The following HSF5 variants were observed in gnomAD, a reference collection of about 807,000 sequenced individuals.
HSF5 encodes the protein heat shock transcription factor 5.
Under a neutral mutation model 50.8 loss-of-function variants are expected in HSF5, and 5 were observed. That is an observed-to-expected ratio of 0.10 (90% CI 0.05 to 0.21). HSF5 has a LOEUF of 0.21. Ranked by LOEUF, HSF5 falls within the 10% of genes least tolerant of loss-of-function variation. The pLI is 1.00. For synonymous variants in HSF5, 307 were observed against 307.4 expected (o/e 1.00, Z 0.02); for missense variants, 564 against 762.6 (o/e 0.74, Z 3.07).
chr17:58,421,595 T>C lies in HSF5; in HGVS notation c.*765A>G, dbSNP rs888567531. ...TATAAATACAATTATATTAAACAAG[T>C]TAAATACTTTCTTTAAAGACATTTA... On this transcript the variant is annotated 3_prime_UTR_variant, in exon 6 of 6. Coordinates refer to ENST00000323777, the MANE Select transcript of HSF5 (RefSeq NM_001080439.3). 6.6e-6 allele frequency: 1 copy of C among 152,244 alleles called. No individual in the cohort carries two copies. The highest frequency in any genetic ancestry group is 1.5e-5 in the Non-Finnish European group (1 of 68,022). The allele number at this position is 152,244 out of a possible 1,614,324, so 9.4% of individuals were successfully genotyped here. A position where few individuals can be genotyped will look rare whatever the true frequency, so the allele number is the denominator to read the frequency against.
chr17:58,469,411 G>A (rs1263200293), intron 2 of HSF5, among the ~76,000 whole-genome samples: 1 of 152,048 alleles, frequency 6.6e-6, no homozygotes, highest in East Asian at 1.9e-4. Flanking sequence ...AGTATCTCAG[G>A]AAACAGCGAA....
chr17:58,438,440 A>G (rs1193380692), intron 5 of HSF5, among the ~76,000 whole-genome samples: 1 of 152,174 alleles, frequency 6.6e-6, no homozygotes, highest in Non-Finnish European at 1.5e-5. Context: ...TAAGGGATAC[A>G]TGATTATATG....
intron 2 of HSF5, among the ~76,000 whole-genome samples, chr17:58,470,370 A>G (rs1188077232): frequency 6.6e-6 from 1 of 152,244 alleles, no homozygotes; most frequent in Non-Finnish European, 1.5e-5. Flanking sequence ...ATACTACAAT[A>G]TAGATGAATC....
intron 4 of HSF5, among the ~76,000 whole-genome samples, chr17:58,459,835 T>G (rs1406824111): frequency 6.6e-6 from 1 of 152,076 alleles, no homozygotes; most frequent in Non-Finnish European, 1.5e-5. Flanking sequence ...CTTTTTTCTC[T>G]GTAGAATATG....
At chr17:58,483,958 C>T (rs1043573468) in intron 1 of HSF5, among the ~76,000 whole-genome samples, 8 of 151,268 alleles carry the variant, frequency 5.3e-5, no homozygotes, top group African/African-American at 1.7e-4. Flanking sequence ...AGGCAAGATT[C>T]GAGAAGAAGA....
intron 4 of HSF5, among the ~76,000 whole-genome samples, chr17:58,459,766 C>T (rs930434588): frequency 2.0e-5 from 3 of 151,902 alleles, no homozygotes; most frequent in East Asian, 1.9e-4. Context: ...GGTTTACAGA[C>T]GTGAGCCACC....
At chr17:58,474,238 A>AT (rs149123746) in intron 2 of HSF5, among the ~76,000 whole-genome samples, 1 of 152,172 alleles carries the variant, frequency 6.6e-6, no homozygotes, top group African/African-American at 2.4e-5. Context: ...TTTCTAGGGT[A>AT]TTTTTATGGC....
intron 5 of HSF5, among the ~76,000 whole-genome samples, chr17:58,449,008 G>A (rs888339027): frequency 1.3e-5 from 2 of 152,080 alleles, no homozygotes; most frequent in Non-Finnish European, 2.9e-5. Context: ...AGAGTTTAAG[G>A]GTTTCTTGTT....
At chr17:58,422,691 TG>T (rs1974242492) in intron 5 of HSF5, among the ~76,000 whole-genome samples, 1 of 142,834 alleles carries the variant, frequency 7.0e-6, no homozygotes, top group African/African-American at 2.6e-5. Context: ...TCACCTCAGT[TG>T]CCTTTTTTTT....
At chr17:58,425,141 G>T (rs1974277897) in intron 5 of HSF5, among the ~76,000 whole-genome samples, 2 of 152,188 alleles carry the variant, frequency 1.3e-5, no homozygotes, top group African/African-American at 4.8e-5. Context: ...GCTCATGCCT[G>T]TAATCCCAGT....
intron 4 of HSF5, among the ~76,000 whole-genome samples, chr17:58,462,477 A>G (rs1221025591): frequency 1.3e-5 from 2 of 152,206 alleles, no homozygotes; most frequent in African/African-American, 4.8e-5. Context: ...TTAAGATAGG[A>G]AGCAAAAACT....
intron 1 of HSF5, among the ~76,000 whole-genome samples, chr17:58,487,157 C>T (rs1413464931): frequency 6.6e-6 from 1 of 152,160 alleles, no homozygotes; most frequent in Non-Finnish European, 1.5e-5. Context: ...GCACCCGCCT[C>T]GGCCTCCCAA....
chr17:58,433,707 A>C lies in HSF5; in HGVS notation c.1721-11277T>G, dbSNP rs570417737. ...AATGCTGCTGAGGTGAATTAAGTAAAATACGGACTGATAATTGGCTACTGG... is the reference window on the plus strand; with the variant it reads ...AATGCTGCTGAGGTGAATTAAGTAACATACGGACTGATAATTGGCTACTGG... On this transcript the variant is annotated intron_variant, in intron 5 of 5. Transcript: ENST00000323777. Among the ~76,000 whole-genome samples the C allele has an allele frequency of 7.2e-5, 11 of 152,264 alleles. No homozygotes were observed. In the South Asian group the frequency reaches 1.5e-3, roughly 20 times the overall value.
chr17:58,425,362 C>A (rs553539071), intron 5 of HSF5, among the ~76,000 whole-genome samples: 1 of 150,684 alleles, frequency 6.6e-6, no homozygotes, highest in Non-Finnish European at 1.5e-5. Flanking sequence ...GCCGAGATTG[C>A]GTCATTGCAC....
chr17:58,474,386 A>T (rs2143797829), intron 2 of HSF5, among the ~76,000 whole-genome samples: 1 of 152,326 alleles, frequency 6.6e-6, no homozygotes, highest in South Asian at 2.1e-4. Flanking sequence ...ATAATCTCAG[A>T]AACTTTATAG....
chr17:58,439,993 A>G (rs1974478979), intron 5 of HSF5, among the ~76,000 whole-genome samples: 1 of 151,930 alleles, frequency 6.6e-6, no homozygotes, highest in African/African-American at 2.4e-5. Context: ...TTTTTTTTTA[A>G]TGATATGACC....
At chr17:58,468,257 G>C (rs1450862151) in intron 2 of HSF5, among the ~76,000 whole-genome samples, 1 of 152,086 alleles carries the variant, frequency 6.6e-6, no homozygotes, top group African/African-American at 2.4e-5. Flanking sequence ...AAACAGCCAG[G>C]CTTGGCGGCA....
intron 5 of HSF5, among the ~76,000 whole-genome samples, chr17:58,458,386 C>A (rs1974742457): frequency 6.6e-6 from 1 of 152,132 alleles, no homozygotes; most frequent in Non-Finnish European, 1.5e-5. Context: ...TAAATGCATG[C>A]CCTCTTGTCC....
At chr17:58,472,178 A>G (rs1974956011) in intron 2 of HSF5, among the ~76,000 whole-genome samples, 1 of 152,162 alleles carries the variant, frequency 6.6e-6, no homozygotes, top group African/African-American at 2.4e-5. Context: ...TTTAAAAAAA[A>G]CAGCTGTTGG....
Sources: allele counts gnomAD v4.1 joint callset (sites outside exome capture counted in the v4.1 genomes callset), GRCh38; gene constraint gnomAD v4.1.1; transcripts MANE v1.5; gene names NCBI Gene and HGNC (gene_info 2026-07-23, HGNC 2026-07-21).